Variants in AGBL1 observed in about 807,000 individuals in gnomAD.
AGBL1 encodes the protein cytosolic carboxypeptidase 4.
In AGBL1, 130 loss-of-function variants were observed where a neutral mutation model predicts 118.9. That is an observed-to-expected ratio of 1.09 (90% CI 0.95 to 1.26). The LOEUF is 1.26. Ranked by LOEUF, AGBL1 falls within the 50% of genes most tolerant of loss-of-function variation. The probability of loss-of-function intolerance (pLI) is 0.00; values close to 1 mark genes in which losing one functional copy is unlikely to be tolerated. For synonymous variants in AGBL1, 555 were observed against 478.9 expected, an observed-to-expected ratio of 1.16 and a Z score of -2.08; for missense variants, 1,584 against 1,298.1, an observed-to-expected ratio of 1.22 and a Z score of -3.38.
At chr15:86,466,500 G>T (rs1323637762) in intron 18 of AGBL1, among the ~76,000 whole-genome samples, 1 of 152,176 alleles carries the variant, frequency 6.6e-6, no homozygotes, top group Non-Finnish European at 1.5e-5. Flanking sequence ...TCTGTCAATT[G>T]TCAAACTCAT....
At chr15:86,784,717 A>G (rs1292159965) in intron 22 of AGBL1, among the ~76,000 whole-genome samples, 2 of 152,152 alleles carry the variant, frequency 1.3e-5, no homozygotes, top group East Asian at 1.9e-4. Context: ...TAAATTATCC[A>G]TAGAGACAGG....
At chr15:86,101,757 GT>G (rs1896735681) in intron 1 of AGBL1, among the ~76,000 whole-genome samples, 1 of 150,918 alleles carries the variant, frequency 6.6e-6, no homozygotes, top group South Asian at 2.1e-4. Context: ...TCACCTATAT[GT>G]TTCTTTACAG....
intron 18 of AGBL1, among the ~76,000 whole-genome samples, chr15:86,438,260 G>A (rs1029754565): frequency 5.9e-5 from 9 of 152,036 alleles, no homozygotes; most frequent in African/African-American, 2.2e-4. Context: ...TTGAGAAAAA[G>A]GCAGGCTAAA....
intron 18 of AGBL1, among the ~76,000 whole-genome samples, chr15:86,460,755 C>T (rs1217438194): frequency 6.6e-6 from 1 of 152,180 alleles, no homozygotes; most frequent in Admixed American, 6.5e-5. Context: ...TCCTTAAATG[C>T]TTGTCTCTGA....
At chr15:86,433,015 C>T (rs535572472) in intron 18 of AGBL1, among the ~76,000 whole-genome samples, 12 of 152,126 alleles carry the variant, frequency 7.9e-5, no homozygotes, top group Non-Finnish European at 1.6e-4. Flanking sequence ...CAAGCGTGCA[C>T]ATTCAAGATG....
chr15:86,470,091 G>T lies in AGBL1; in HGVS notation c.2556-52719G>T, dbSNP rs184522810. On this transcript the variant is annotated intron_variant, in intron 18 of 22. Coordinates refer to ENST00000614907, the MANE Select transcript of AGBL1 (RefSeq NM_001386094.1). ...ATTTTAGTATGACACAATTCCATTT[G>T]CCCATTTTTGCTTTTATTGCCTGTG... Among the ~76,000 whole-genome samples the T allele has an allele frequency of 1.9e-3, 294 of 152,134 alleles. 1 individual carries two copies. The highest frequency in any genetic ancestry group is 6.9e-3 in the African/African-American group (288 of 41,506).
chr15:86,998,271 G>T lies in AGBL1; in HGVS notation c.3323+10183G>T, dbSNP rs555784882. Among the ~76,000 whole-genome samples the T allele has an allele frequency of 2.0e-5, 3 of 152,294 alleles. No individual in the cohort carries two copies. In the South Asian group the frequency reaches 6.2e-4, roughly 32 times the overall value. On this transcript the variant is annotated intron_variant, in intron 24 of 24. Transcript: ENST00000441037. ...GACTGTAACATTTGTATTTCAAGTA[G>T]ATTCTCTCAATTGACTCTATCCTTT...
intron 21 of AGBL1, among the ~76,000 whole-genome samples, chr15:86,637,276 A>T (rs2085112824): frequency 6.6e-6 from 1 of 152,186 alleles, no homozygotes; most frequent in African/African-American, 2.4e-5. Context: ...GTGGAGGGTC[A>T]TGAAAAGTGT....
At chr15:86,877,850 C>G (rs535168862) in intron 22 of AGBL1, among the ~76,000 whole-genome samples, 51 of 152,192 alleles carry the variant, frequency 3.4e-4, no homozygotes, top group Non-Finnish European at 6.3e-4. Flanking sequence ...TGTTTACCAA[C>G]CTTCTTCTCT....
rs1247733246 is a variant in AGBL1, at chr15:86,131,964, A to AC, written c.52-10040_52-10039insC. Among the ~76,000 whole-genome samples the AC allele has an allele frequency of 2.6e-3, 390 of 150,676 alleles. 1 individual carries two copies. The highest frequency in any genetic ancestry group is 6.8e-3 in the Middle Eastern group (2 of 292). On this transcript the variant is annotated intron_variant, in intron 1 of 22. Transcript: ENST00000614907. ...CCATGTCTCGAAAAAAAAAAAAAAA[A>AC]TCATAACGTTGTCTACATGGGATGC...
intron 22 of AGBL1, 74 bp downstream of exon 22, chr15:86,674,510 T>C (rs901087226): frequency 6.8e-7 from 1 of 1,467,812 alleles, no homozygotes; most frequent in South Asian, 1.3e-5. Context: ...GTAATGAAAG[T>C]CGAGTGGACC....
At chr15:86,781,434 T>G (rs753684751) in intron 22 of AGBL1, among the ~76,000 whole-genome samples, 8 of 150,338 alleles carry the variant, frequency 5.3e-5, no homozygotes, top group Non-Finnish European at 8.9e-5. Context: ...GATATAAGAA[T>G]TTAGTAGCAA....
intron 21 of AGBL1, among the ~76,000 whole-genome samples, chr15:86,656,374 A>G (rs1485299293): frequency 1.3e-5 from 2 of 152,186 alleles, no homozygotes; most frequent in African/African-American, 4.8e-5. Flanking sequence ...GTGCTTAGAT[A>G]TCACCCTGGG....
At chr15:86,141,204 A>C (rs1224709452) in intron 1 of AGBL1, among the ~76,000 whole-genome samples, 3 of 152,224 alleles carry the variant, frequency 2.0e-5, no homozygotes, top group African/African-American at 7.2e-5. Flanking sequence ...AGGATAGAGT[A>C]TCAAGCATTG....
Position 86,700,017 on chromosome 15 carries a change from T to C in AGBL1, c.3158+25581T>C, listed in dbSNP as rs149329668. 6.6e-3 allele frequency among the ~76,000 whole-genome samples: 1,002 copies of C among 152,176 alleles called. 9 individuals are homozygous for C. The highest frequency in any genetic ancestry group is 0.023 in the African/African-American group (943 of 41,532). ...CCTCTACATTTGTTAGTTGGCATTC[T>C]GTGGTAAGGAAGAGCTATTCCTTCC... On this transcript the variant is annotated intron_variant, in intron 22 of 22. Transcript: ENST00000614907.
chr15:86,218,203 G>C (rs970434474), intron 5 of AGBL1, among the ~76,000 whole-genome samples: 4 of 152,116 alleles, frequency 2.6e-5, no homozygotes, highest in Non-Finnish European at 5.9e-5. Flanking sequence ...GAGATCAAAA[G>C]GAATGGACAA....
chr15:86,622,902 G>A (rs989638964), intron 21 of AGBL1, among the ~76,000 whole-genome samples: 6 of 152,118 alleles, frequency 3.9e-5, no homozygotes, highest in Admixed American at 6.5e-5. Flanking sequence ...AGACAGTCCC[G>A]TCTGGAGGTG....
chr15:86,353,479 T>C (rs111947308), intron 17 of AGBL1, among the ~76,000 whole-genome samples: 3,626 of 152,302 alleles, frequency 0.024, 57 homozygotes, highest in Middle Eastern at 0.071. Context: ...AGAACATTAA[T>C]GAAACCCATC....
At chr15:86,313,364 C>A (rs554714454) in intron 17 of AGBL1, among the ~76,000 whole-genome samples, 1 of 152,154 alleles carries the variant, frequency 6.6e-6, no homozygotes, top group South Asian at 2.1e-4. Flanking sequence ...AGCACACTTA[C>A]GCAAACAACA....
Sources: gnomAD v4.1 joint callset for allele counts (sites outside exome capture counted in the v4.1 genomes callset) on GRCh38, gnomAD v4.1.1 for gene constraint, MANE v1.5 for transcripts, NCBI Gene and HGNC (gene_info 2026-07-23, HGNC 2026-07-21) for gene names.